TXLNB: variants seen among roughly 807,000 people sequenced by gnomAD.
The protein encoded by TXLNB is beta-taxilin.
A neutral mutation model predicts 57.4 loss-of-function variants in TXLNB; 37 were observed. The observed-to-expected ratio is 0.64, with a 90% CI of 0.50 to 0.85. The LOEUF is 0.85. Ranked by LOEUF, TXLNB falls within the 40% of genes least tolerant of loss-of-function variation. TXLNB has a pLI of 0.00. For missense variants in TXLNB, 848 were observed against 825.6 expected (o/e 1.03, Z -0.33); for synonymous variants, 302 against 309.6 (o/e 0.98, Z 0.26).
the TXLNB span, among the ~76,000 whole-genome samples, chr6:139,308,300 C>G: frequency 6.6e-6 from 1 of 152,154 alleles, no homozygotes; most frequent in Non-Finnish European, 1.5e-5. Flanking sequence ...GATACAACTA[C>G]CTGCCTGGTT....
chr6:139,205,601 T>G, the TXLNB span, among the ~76,000 whole-genome samples: 1 of 151,728 alleles, frequency 6.6e-6, no homozygotes, highest in Non-Finnish European at 1.5e-5. Context: ...AAGAAAAGGC[T>G]TTTGAATTAA....
the TXLNB span, among the ~76,000 whole-genome samples, chr6:139,304,988 G>A: frequency 6.6e-6 from 1 of 152,068 alleles, no homozygotes; most frequent in African/African-American, 2.4e-5. Context: ...TAACTGTCTC[G>A]TTTGTCAACT....
At chr6:139,219,370 G>A in the TXLNB span, among the ~76,000 whole-genome samples, 2 of 152,168 alleles carry the variant, frequency 1.3e-5, no homozygotes, top group African/African-American at 4.8e-5. Context: ...CATCTCCAGC[G>A]GTTCAGTAGG....
chr6:139,255,729 G>T (rs1776321053), intron 6 of TXLNB, 91 bp from the exon 7 acceptor site: 3 of 948,594 alleles, frequency 3.2e-6, no homozygotes, highest in Non-Finnish European at 3.3e-6. Flanking sequence ...TTAGCAACCT[G>T]CTCATTAACC....
chr6:139,320,071 A>G, the TXLNB span, among the ~76,000 whole-genome samples: 1 of 152,312 alleles, frequency 6.6e-6, no homozygotes, highest in East Asian at 1.9e-4. Context: ...TTTAAATTAT[A>G]ATTTGTTAAA....
chr6:139,213,545 C>T, the TXLNB span, among the ~76,000 whole-genome samples: 1 of 152,046 alleles, frequency 6.6e-6, no homozygotes, highest in African/African-American at 2.4e-5. Flanking sequence ...AAAATTGACA[C>T]CCTAACATCA....
the TXLNB span, among the ~76,000 whole-genome samples, chr6:139,203,916 G>A: frequency 1.3e-5 from 2 of 152,116 alleles, no homozygotes; most frequent in African/African-American, 4.8e-5. Flanking sequence ...TCTGGTATAT[G>A]TATGAATTTT....
At chr6:139,213,322 C>T in the TXLNB span, among the ~76,000 whole-genome samples, 4 of 152,314 alleles carry the variant, frequency 2.6e-5, no homozygotes, top group South Asian at 8.3e-4. Context: ...GATTAAGAAA[C>T]TCACTCAAAA....
intron 1 of TXLNB, among the ~76,000 whole-genome samples, 177 bp from the exon 2 acceptor site, chr6:139,289,090 C>G (rs185029073): frequency 6.6e-6 from 1 of 152,318 alleles, no homozygotes; most frequent in African/African-American, 2.4e-5. Context: ...GACCACCCCT[C>G]ATATCGTCTT....
At chr6:139,201,134 T>C in the TXLNB span, among the ~76,000 whole-genome samples, 16 of 152,246 alleles carry the variant, frequency 1.1e-4, no homozygotes, top group African/African-American at 3.6e-4. Context: ...ATCCTTCAAC[T>C]TCTTGCCACC....
At chr6:139,322,351 C>T in the TXLNB span, among the ~76,000 whole-genome samples, 3 of 152,136 alleles carry the variant, frequency 2.0e-5, no homozygotes, top group Non-Finnish European at 4.4e-5. Flanking sequence ...GTTGGGGGGA[C>T]AAGTGTTGTG....
intron 4 of TXLNB, among the ~76,000 whole-genome samples, chr6:139,269,773 T>C (rs904873747): frequency 1.4e-4 from 22 of 152,328 alleles, no homozygotes; most frequent in Admixed American, 9.8e-4. Context: ...CACAGTATCA[T>C]CTTGGAGAGC....
intron 4 of TXLNB, among the ~76,000 whole-genome samples, chr6:139,268,715 A>G (rs1776678657): frequency 6.6e-6 from 1 of 152,248 alleles, no homozygotes; most frequent in Non-Finnish European, 1.5e-5. Flanking sequence ...GAAATAATGT[A>G]TATAAAGCAC....
chr6:139,280,475 C>T (rs1777019968), intron 2 of TXLNB, among the ~76,000 whole-genome samples: 1 of 151,934 alleles, frequency 6.6e-6, no homozygotes, highest in Non-Finnish European at 1.5e-5. Context: ...AAAACCGCGT[C>T]TCTACTAAAA....
At chr6:139,167,316 A>C in the TXLNB span, 1 of 1,584,984 alleles carries the variant, frequency 6.3e-7, no homozygotes, top group Non-Finnish European at 8.6e-7. Flanking sequence ...GTTCCTTGTC[A>C]CCTTCAAGGT....
chr6:139,209,605 A>T, the TXLNB span, among the ~76,000 whole-genome samples: 1 of 152,222 alleles, frequency 6.6e-6, no homozygotes, highest in Middle Eastern at 3.2e-3. Flanking sequence ...TTACAAAAAG[A>T]TAAAGTGGGG....
At chr6:139,159,354 C>T in the TXLNB span, 1 of 152,134 alleles carries the variant, frequency 6.6e-6, no homozygotes, top group Non-Finnish European at 1.5e-5. Flanking sequence ...AATCAGCGAT[C>T]TAATAAAACA....
the TXLNB span, among the ~76,000 whole-genome samples, chr6:139,210,801 A>G: frequency 6.6e-6 from 1 of 152,218 alleles, no homozygotes; most frequent in African/African-American, 2.4e-5. Flanking sequence ...CGCTCTTCCA[A>G]TGGTCTTAGC....
chr6:139,257,987 T>C (rs1776388722), intron 6 of TXLNB, among the ~76,000 whole-genome samples: 1 of 152,118 alleles, frequency 6.6e-6, no homozygotes. Context: ...AGCCCTACAG[T>C]GTCCCCTCTG....
Sources: allele counts gnomAD v4.1 joint callset (sites outside exome capture counted in the v4.1 genomes callset), GRCh38; gene constraint gnomAD v4.1.1; transcripts MANE v1.5; gene names NCBI Gene and HGNC (gene_info 2026-07-23, HGNC 2026-07-21).